ACSBG2: variants seen among roughly 807,000 people sequenced by gnomAD.
ACSBG2 encodes acyl-CoA synthetase bubblegum family member 2.
ACSBG2 carries 62 observed loss-of-function variants against 74.7 expected under a neutral mutation model. The observed-to-expected ratio is 0.83, with a 90% CI of 0.68 to 1.03. The LOEUF (loss-of-function observed/expected upper bound fraction) is 1.03, where lower values mean the gene tolerates loss of function less well. Ranked by LOEUF, ACSBG2 falls within the 50% of genes least tolerant of loss-of-function variation. The probability of loss-of-function intolerance (pLI) is 0.00; values close to 1 mark genes in which losing one functional copy is unlikely to be tolerated. For synonymous variants in ACSBG2, 309 were observed against 294.1 expected (o/e 1.05, Z -0.52); for missense variants, 730 against 817.6 (o/e 0.89, Z 1.31).
intron 4 of ACSBG2, among the ~76,000 whole-genome samples, chr19:6,154,914 A>C (rs138462641): frequency 1.3e-5 from 2 of 152,292 alleles, no homozygotes; most frequent in East Asian, 3.9e-4. Flanking sequence ...ACCCAAATTC[A>C]AATCTTGGGT....
intron 14 of ACSBG2, 120 bp downstream of exon 14, chr19:6,190,812 TAC>T (rs58730661): frequency 0.084 from 28,116 of 335,082 alleles, 779 homozygotes; most frequent in African/African-American, 0.18. Context: ...CACACATACA[TAC>T]ACACACACAC....
chr19:6,146,341 G>T (rs992215553), intron 2 of ACSBG2, among the ~76,000 whole-genome samples: 1 of 151,940 alleles, frequency 6.6e-6, no homozygotes, highest in Non-Finnish European at 1.5e-5. Context: ...GTGGTGGCGG[G>T]TGCCTGTAAT....
intron 2 of ACSBG2, among the ~76,000 whole-genome samples, chr19:6,147,147 C>T (rs1326543884): frequency 2.0e-5 from 3 of 151,858 alleles, no homozygotes; most frequent in Admixed American, 2.0e-4. Context: ...ACAAAGACAG[C>T]AGGATAGATG....
At chr19:6,175,085 C>T (rs1176244027) in intron 7 of ACSBG2, among the ~76,000 whole-genome samples, 1 of 152,176 alleles carries the variant, frequency 6.6e-6, no homozygotes, top group Non-Finnish European at 1.5e-5. Flanking sequence ...AACCATTGTA[C>T]ATCATAGACT....
chr19:6,159,547 G>T (rs2089538371), intron 5 of ACSBG2, among the ~76,000 whole-genome samples: 1 of 152,196 alleles, frequency 6.6e-6, no homozygotes, highest in Non-Finnish European at 1.5e-5. Flanking sequence ...TTTCATTGAA[G>T]GTGAAGTCTG....
At chr19:6,154,400 A>G (rs1364787500) in intron 4 of ACSBG2, among the ~76,000 whole-genome samples, 2 of 32,014 alleles carry the variant, frequency 6.2e-5, no homozygotes, top group African/African-American at 1.4e-4. Flanking sequence ...CTCCGTCTCA[A>G]AAAGAGAGAG....
rs573833653 is a variant in ACSBG2 at position 6,155,752 on chromosome 19, T to A, written c.387-679T>A. ...TTGCAGTGAGCTGAGATTGCACCAC[T>A]GCAGGCCAGCCTGGGTGACCGAGCT... On this transcript the variant is annotated intron_variant, in intron 4 of 14. Coordinates refer to ENST00000588485, the MANE Select transcript of ACSBG2 (RefSeq NM_030924.5). Among the ~76,000 whole-genome samples, 17 of 141,914 alleles carry A rather than the reference T, an allele frequency of 1.2e-4. No homozygotes were observed. In the South Asian group the frequency reaches 3.3e-3, roughly 27 times the overall value. The allele number at this position is 141,914 out of a possible 152,430, so 93.1% of individuals were successfully genotyped here. A position where few individuals can be genotyped will look rare whatever the true frequency, so the allele number is the denominator to read the frequency against.
chr19:6,158,814 C>T (rs1600064141), intron 5 of ACSBG2, among the ~76,000 whole-genome samples: 2 of 152,292 alleles, frequency 1.3e-5, no homozygotes, highest in African/African-American at 4.8e-5. Context: ...CCTAGCTAGA[C>T]TCAGTGAAAT....
chr19:6,144,783 C>T (rs1165604758), intron 2 of ACSBG2, among the ~76,000 whole-genome samples: 2 of 151,956 alleles, frequency 1.3e-5, no homozygotes, highest in Non-Finnish European at 2.9e-5. Flanking sequence ...CAACCTCTGC[C>T]TCCCGGGTTC....
intron 8 of ACSBG2, among the ~76,000 whole-genome samples, chr19:6,181,132 G>A (rs1213303739): frequency 6.7e-6 from 1 of 149,982 alleles, no homozygotes; most frequent in Non-Finnish European, 1.5e-5. Flanking sequence ...GCTGAGACAG[G>A]AGAATAGCTC....
chr19:6,156,468 G>A lies in ACSBG2; in HGVS notation c.424G>A (p.Glu142Lys), dbSNP rs758145719. ...TGGTATTTATGCCACCAACTCTGCC[G>A]AGGTTTGTCAATATGTCATCACTCA... ...CVGIYATNSA[E>K]VCQYVITHAK... The change falls in exon 5 of 15, where the codon GAG (glutamate) becomes AAG (lysine). Residue 142 changes from glutamate to lysine, a missense_variant. Glu to Lys is a moderately conservative substitution (Grantham distance 56, BLOSUM62 1). Coordinates refer to ENST00000588485, the MANE Select transcript of ACSBG2 (RefSeq NM_030924.5). The A allele has an allele frequency of 2.0e-5, 32 of 1,598,036 alleles. No individual in the cohort carries two copies. The highest frequency in any genetic ancestry group is 5.4e-5 in the African/African-American group (4 of 73,892).
intron 3 of ACSBG2, among the ~76,000 whole-genome samples, chr19:6,149,504 C>CT (rs556996493): frequency 0.045 from 5,715 of 127,810 alleles, 424 homozygotes; most frequent in African/African-American, 0.15. Flanking sequence ...ACATGTGCAA[C>CT]TTTTTTTTTT....
Position 6,156,023 on chromosome 19 carries a change from T to C in ACSBG2, c.387-408T>C, listed in dbSNP as rs751687227. 5.3e-5 allele frequency among the ~76,000 whole-genome samples: 8 copies of C among 151,584 alleles called. 1 individual carries two copies. Among genetic ancestry groups the C allele is most frequent in the South Asian group, 4.2e-4 (2 of 4,804 alleles). On this transcript the variant is annotated intron_variant, in intron 4 of 14. Transcript: ENST00000588485. ...TAAAGGTGCTCAATGTCATTATCCA[T>C]TGGGAAATGCAAATTAAAAGCAAAA...
chr19:6,153,859 T>C (rs1472632318), intron 4 of ACSBG2, among the ~76,000 whole-genome samples: 2 of 112,012 alleles, frequency 1.8e-5, no homozygotes, highest in African/African-American at 3.2e-5. Context: ...AAAATAAAAG[T>C]AAAGAAAAGA....
At position 6,147,449 on chromosome 19, in the gene ACSBG2, C is replaced by T; in HGVS notation, c.71C>T (p.Thr24Ile). ...CAACTCTGGTGACTATTTGCAGTTA[C>T]TCCCAGGCTGTGGACCACCTGTCGA... Reference protein sequence around the residue: ...LEVDMNKTEVTPRLWTTCRDG... With the variant: ...LEVDMNKTEVIPRLWTTCRDG... Residue 24 changes from threonine (T) to isoleucine (I), a missense_variant, in exon 3 of 15, where the codon ACT (threonine) becomes ATT (isoleucine). Physicochemically the swap from Thr to Ile is moderately conservative, Grantham distance 89. Coordinates refer to ENST00000588485, the MANE Select transcript of ACSBG2 (RefSeq NM_030924.5). The T allele has an allele frequency of 1.6e-5, 26 of 1,613,882 alleles. No individual in the cohort carries two copies. Among genetic ancestry groups the T allele is most frequent in the Non-Finnish European group, 2.1e-5 (25 of 1,179,764 alleles).
intron 6 of ACSBG2, among the ~76,000 whole-genome samples, chr19:6,164,434 C>CT (rs542313082): frequency 0.11 from 14,526 of 133,782 alleles, 981 homozygotes; most frequent in African/African-American, 0.19. Flanking sequence ...TTTGAGGGGC[C>CT]TTTTTTTTTT....
rs757417252 is a variant in ACSBG2 at position 6,177,313 on chromosome 19, C to T, written c.823C>T (p.His275Tyr). 6.2e-7 allele frequency: 1 copy of T among 1,613,796 alleles called. No homozygotes were observed. The highest frequency in any genetic ancestry group is 8.5e-7 in the Non-Finnish European group (1 of 1,179,990). Residue 275 changes from histidine to tyrosine, a missense_variant, in exon 8 of 15, where the codon CAT (histidine) becomes TAT (tyrosine). His to Tyr is a moderately conservative substitution (Grantham distance 83, BLOSUM62 2). Coordinates refer to ENST00000588485, the MANE Select transcript of ACSBG2 (RefSeq NM_030924.5). ...GGTGGTTAGCTACCTCCCACTCAGC[C>T]ATATTGCAGCACAGATGATGGACAT... ...ETVVSYLPLS[H>Y]IAAQMMDIWV...
At chr19:6,184,935 T>C (rs2090366005) in intron 10 of ACSBG2, among the ~76,000 whole-genome samples, 1 of 150,108 alleles carries the variant, frequency 6.7e-6, no homozygotes, top group African/African-American at 2.5e-5. Flanking sequence ...TTTGTTTTTG[T>C]TTTTTGAGAC....
rs2089781356 is a variant in ACSBG2, at chr19:6,165,915, A to G, written c.638A>G (p.Glu213Gly). 6.2e-7 allele frequency: 1 copy of G among 1,614,170 alleles called. No individual in the cohort carries two copies. The highest frequency in any genetic ancestry group is 1.3e-5 in the African/African-American group (1 of 75,048). Residue 213 changes from glutamate to glycine, a missense_variant, in exon 7 of 15, where the codon GAG (glutamate) becomes GGG (glycine). By Grantham distance (98) the Glu-to-Gly change is moderately conservative. Coordinates refer to ENST00000588485, the MANE Select transcript of ACSBG2 (RefSeq NM_030924.5). ...AGAAGTATCCCTGACACCCAACTGG[A>G]GCAGGTCATCGAGAGCCAGAAGGCG... ...LGRSIPDTQL[E>G]QVIESQKANQ...
Sources: gnomAD v4.1 joint callset for allele counts (sites outside exome capture counted in the v4.1 genomes callset) on GRCh38, gnomAD v4.1.1 for gene constraint, MANE v1.5 for transcripts, NCBI Gene and HGNC (gene_info 2026-07-23, HGNC 2026-07-21) for gene names.